Variants in IL12RB2 observed in about 807,000 individuals in gnomAD.
The protein encoded by IL12RB2 is interleukin-12 receptor subunit beta-2.
In IL12RB2, 82 loss-of-function variants were observed where a neutral mutation model predicts 89.4. The ratio of observed to expected loss-of-function variants is 0.92; its 90% CI spans 0.77 to 1.10. IL12RB2 has a LOEUF of 1.10. IL12RB2 is among the 50% of genes least tolerant of loss of function. The probability of loss-of-function intolerance (pLI) is 0.00; values close to 1 mark genes in which losing one functional copy is unlikely to be tolerated. For missense variants in IL12RB2, 963 were observed against 1,031.9 expected, an observed-to-expected ratio of 0.93 and a Z score of 0.92; for synonymous variants, 368 against 370.1, an observed-to-expected ratio of 0.99 and a Z score of 0.07.
intron 14 of IL12RB2, among the ~76,000 whole-genome samples, chr1:67,382,017 C>T (rs1252382350): frequency 1.3e-5 from 2 of 152,012 alleles, no homozygotes; most frequent in Non-Finnish European, 2.9e-5. Context: ...CAAAAAAGGA[C>T]TCAGCATCTT....
chr1:67,308,481 G>A (rs1654579361), intron 1 of IL12RB2, among the ~76,000 whole-genome samples: 1 of 152,112 alleles, frequency 6.6e-6, no homozygotes, highest in African/African-American at 2.4e-5. Flanking sequence ...AGTCTTTCCT[G>A]TGGCCTCTGG....
chr1:67,341,592 G>C (rs1659633908), intron 9 of IL12RB2, among the ~76,000 whole-genome samples: 1 of 149,746 alleles, frequency 6.7e-6, no homozygotes, highest in East Asian at 2.0e-4. Context: ...AGAAAAGAAA[G>C]GAAGGAAAGA....
Position 67,329,827 on chromosome 1 carries a change from A to G in IL12RB2, c.807+98A>G, listed in dbSNP as rs899689458. 19 of 868,822 alleles carry G rather than the reference A, an allele frequency of 2.2e-5. No individual in the cohort carries two copies. The East Asian group carries it at 4.1e-4, about 19-fold the overall frequency. 53.8% of individuals were successfully genotyped at this position (868,822 alleles called of 1,614,324 possible). On this transcript the variant is annotated intron_variant, in intron 7 of 16. Transcript: ENST00000674203. ...ATACAGCAAAAAATAGAGTTTAAGA[A>G]TATTTATCCCAAAAGTACACACGAG...
intron 9 of IL12RB2, among the ~76,000 whole-genome samples, chr1:67,339,852 C>T (rs746435377): frequency 2.0e-5 from 3 of 152,196 alleles, no homozygotes; most frequent in Non-Finnish European, 4.4e-5. Flanking sequence ...CATCGTGACT[C>T]ATCTTTGTTG....
intron 10 of IL12RB2, among the ~76,000 whole-genome samples, chr1:67,356,864 T>A (rs1239909513): frequency 3.9e-5 from 6 of 152,054 alleles, no homozygotes; most frequent in African/African-American, 1.5e-4. Flanking sequence ...CAAATCAGTA[T>A]CATAGGAAAC....
At chr1:67,312,406 G>A (rs915793360) in intron 1 of IL12RB2, among the ~76,000 whole-genome samples, 12 of 152,254 alleles carry the variant, frequency 7.9e-5, no homozygotes, top group Middle Eastern at 3.4e-3. Context: ...GACTCCATTC[G>A]TATCTTGTTT....
intron 10 of IL12RB2, among the ~76,000 whole-genome samples, chr1:67,357,252 C>G (rs1661502682): frequency 6.6e-6 from 1 of 152,136 alleles, no homozygotes; most frequent in South Asian, 2.1e-4. Flanking sequence ...ATGGCGCACA[C>G]CTGTAATCCC....
chr1:67,314,208 C>T (rs1655462647), intron 2 of IL12RB2, among the ~76,000 whole-genome samples: 1 of 152,166 alleles, frequency 6.6e-6, no homozygotes, highest in Non-Finnish European at 1.5e-5. Context: ...ACTCGTGTAG[C>T]TCCTTCCTCC....
chr1:67,396,185 G>T lies in IL12RB2; in HGVS notation c.*96G>T, dbSNP rs1570255414. 1 of 833,474 alleles carries T rather than the reference G, an allele frequency of 1.2e-6. No individual in the cohort carries two copies. Among genetic ancestry groups the T allele is most frequent in the East Asian group, 2.4e-5 (1 of 41,524 alleles). 51.6% of individuals were successfully genotyped at this position (833,474 alleles called of 1,614,324 possible). On this transcript the variant is annotated 3_prime_UTR_variant, in exon 17 of 17. Coordinates refer to ENST00000674203, the MANE Select transcript of IL12RB2 (RefSeq NM_001374259.2). ...CTGCTCCAGCAGCTGTCATCTCTGG[G>T]TGCCACCATCGGTCTGGCTGCAGCT...
In IL12RB2 at chr1:67,379,996, CAG is replaced by C. The variant is rs771869978; in HGVS notation, c.1731_1732del (p.Arg577SerfsTer29). 7.5e-5 allele frequency: 121 copies of C among 1,609,928 alleles called. No homozygotes were observed. Among genetic ancestry groups the C allele is most frequent in the Non-Finnish European group, 9.7e-5 (114 of 1,176,216 alleles). The part of the protein sequence containing the change: ...SQPQLCEIPY[R>X]VSQNSHPINS... ...TTATCTTCCTTTCAGAAATTCCCTA[CAG>C]AGTCTCCCAAAATTCACATCCAATA... On this transcript the variant is annotated frameshift_variant, in exon 14 of 17. Transcript: ENST00000674203. LOFTEE classifies it high-confidence loss of function.
intron 11 of IL12RB2, among the ~76,000 whole-genome samples, chr1:67,368,680 G>C (rs904869319): frequency 1.3e-5 from 2 of 152,206 alleles, no homozygotes; most frequent in African/African-American, 4.8e-5. Flanking sequence ...GCACTGAATT[G>C]AATCAGTGGT....
Position 67,326,943 on chromosome 1 carries a change from TTTTA to T in IL12RB2, c.479+126_479+129del, listed in dbSNP as rs549096467. 2.4e-3 allele frequency: 1,685 copies of T among 695,452 alleles called. 10 individuals are homozygous for T. Among genetic ancestry groups the T allele is most frequent in the African/African-American group, 0.02 (931 of 46,124 alleles). 43.1% of individuals were successfully genotyped at this position (695,452 alleles called of 1,614,324 possible). A position where few individuals can be genotyped will look rare whatever the true frequency, so the allele number is the denominator to read the frequency against. The stretch of plus-strand genomic sequence containing the variant: ...GTTTTCTTTATTTATTTTTATTTTA[TTTTA>T]TTTATTTATTTATTTATTTATTTAT... On this transcript the variant is annotated intron_variant, in intron 5 of 16. Coordinates refer to ENST00000674203, the MANE Select transcript of IL12RB2 (RefSeq NM_001374259.2).
intron 8 of IL12RB2, among the ~76,000 whole-genome samples, chr1:67,337,846 G>C (rs1393170589): frequency 6.9e-6 from 1 of 144,434 alleles, no homozygotes; most frequent in Non-Finnish European, 1.5e-5. Flanking sequence ...AGACCAAAAA[G>C]TGTTTTTCTA....
At chr1:67,342,222 T>TG (rs1292662280) in intron 9 of IL12RB2, among the ~76,000 whole-genome samples, 3 of 152,072 alleles carry the variant, frequency 2.0e-5, no homozygotes, top group South Asian at 2.1e-4. Context: ...TTTTTTGTTT[T>TG]TTTTTGTTTT....
At chr1:67,334,445 T>A (rs974613020) in intron 8 of IL12RB2, among the ~76,000 whole-genome samples, 6 of 152,192 alleles carry the variant, frequency 3.9e-5, no homozygotes, top group African/African-American at 1.4e-4. Context: ...GAAATTGGAA[T>A]TTTATGTAAT....
At chr1:67,375,908 G>A (rs1394451072) in intron 13 of IL12RB2, among the ~76,000 whole-genome samples, 5 of 148,972 alleles carry the variant, frequency 3.4e-5, no homozygotes, top group Admixed American at 6.8e-5. Context: ...GTGCAATGGC[G>A]CGATCTCGGC....
chr1:67,354,090 T>G (rs1661124159), intron 10 of IL12RB2, among the ~76,000 whole-genome samples: 1 of 152,130 alleles, frequency 6.6e-6, no homozygotes, highest in South Asian at 2.1e-4. Flanking sequence ...GTCAGACATA[T>G]GAGCAAGTAA....
chr1:67,335,192 C>T (rs4655700), intron 8 of IL12RB2, among the ~76,000 whole-genome samples: 72,118 of 151,986 alleles, frequency 0.47, 19,879 homozygotes, highest in Non-Finnish European at 0.6. Flanking sequence ...TACAGTGTAT[C>T]TGCAAGGGGA....
intron 8 of IL12RB2, among the ~76,000 whole-genome samples, chr1:67,334,558 A>G (rs55651860): frequency 0.055 from 8,344 of 152,218 alleles, 286 homozygotes; most frequent in African/African-American, 0.084. Flanking sequence ...GGCTCACTGC[A>G]AGCTCCGCCT....
Sources: allele counts gnomAD v4.1 joint callset (sites outside exome capture counted in the v4.1 genomes callset), GRCh38; gene constraint gnomAD v4.1.1; transcripts MANE v1.5; gene names NCBI Gene and HGNC (gene_info 2026-07-23, HGNC 2026-07-21).